The following DOCK4 variants were observed in gnomAD, a reference collection of about 807,000 sequenced individuals.
DOCK4 encodes dedicator of cytokinesis protein 4.
A neutral mutation model predicts 268.1 loss-of-function variants in DOCK4; 97 were observed. That is an observed-to-expected ratio of 0.36 (90% CI 0.31 to 0.43). The LOEUF is 0.43. Among genes scored for constraint, DOCK4 ranks in the 20% least tolerant of loss-of-function variants. The pLI, the probability that DOCK4 is intolerant of heterozygous loss-of-function variation, is 1.00. For missense variants in DOCK4, 2,145 were observed against 2,455.7 expected (o/e 0.87, Z 2.67); for synonymous variants, 954 against 887.2 (o/e 1.08, Z -1.34).
intron 36 of DOCK4, among the ~76,000 whole-genome samples, chr7:111,776,423 C>T (rs1439427252): frequency 6.6e-6 from 1 of 152,148 alleles, no homozygotes; most frequent in Non-Finnish European, 1.5e-5. Flanking sequence ...ACTGGAAAGG[C>T]TCAATAGCTG....
intron 1 of DOCK4, among the ~76,000 whole-genome samples, chr7:112,078,821 T>C (rs796414435): frequency 1.4e-4 from 22 of 152,240 alleles, no homozygotes; most frequent in African/African-American, 5.3e-4. Flanking sequence ...CTTTTTGATA[T>C]ATTATAAAGA....
chr7:111,799,268 T>C (rs1397800643), intron 30 of DOCK4, among the ~76,000 whole-genome samples: 4 of 152,182 alleles, frequency 2.6e-5, no homozygotes, highest in African/African-American at 9.7e-5. Context: ...GCTTTTCACT[T>C]GGGAAAGGAT....
chr7:112,114,533 C>T (rs1390443456), intron 1 of DOCK4, among the ~76,000 whole-genome samples: 1 of 152,134 alleles, frequency 6.6e-6, no homozygotes, highest in Non-Finnish European at 1.5e-5. Flanking sequence ...AATGATATTC[C>T]ATGAAAAAAC....
chr7:111,925,001 T>C (rs906389245), intron 12 of DOCK4, among the ~76,000 whole-genome samples: 25 of 152,278 alleles, frequency 1.6e-4, no homozygotes, highest in African/African-American at 4.8e-4. Context: ...ACTAACATTA[T>C]GAGGTATTAG....
At chr7:112,067,161 ACT>A (rs1382258648) in intron 1 of DOCK4, among the ~76,000 whole-genome samples, 1 of 151,230 alleles carries the variant, frequency 6.6e-6, no homozygotes, top group Non-Finnish European at 1.5e-5. Context: ...ACAGAGCAAG[ACT>A]CTGTCTCAAA....
intron 39 of DOCK4, 145 bp downstream of exon 39, chr7:111,764,973 A>C (rs752868591): frequency 9.1e-5 from 41 of 449,356 alleles, no homozygotes; most frequent in Non-Finnish European, 1.5e-4. Context: ...ATTCTAGATT[A>C]ATATAGTGTC....
intron 27 of DOCK4, chr7:111,821,876 T>C (rs934065934): frequency 1.3e-5 from 2 of 152,508 alleles, no homozygotes; most frequent in African/African-American, 4.8e-5. Context: ...TGATTCAAAT[T>C]TCTAGTAACA....
chr7:111,740,761 G>T (rs899713465), intron 47 of DOCK4, among the ~76,000 whole-genome samples: 3 of 39,962 alleles, frequency 7.5e-5, no homozygotes, highest in Non-Finnish European at 1.2e-4. Flanking sequence ...AAAAAAAAAA[G>T]GCAAGCTAAG....
chr7:112,049,295 C>T (rs1805139088), intron 1 of DOCK4, among the ~76,000 whole-genome samples: 1 of 151,988 alleles, frequency 6.6e-6, no homozygotes, highest in African/African-American at 2.4e-5. Flanking sequence ...TCTTGTTATG[C>T]TACATGTGAA....
chr7:111,885,312 G>A, intron 16 of DOCK4, among the ~76,000 whole-genome samples: 1 of 152,146 alleles, frequency 6.6e-6, no homozygotes, highest in Non-Finnish European at 1.5e-5. Context: ...TGGATGGGGT[G>A]GTTAAATACG....
chr7:111,763,183 C>T lies in DOCK4; in HGVS notation c.4020+1935G>A, dbSNP rs140319023. Among the ~76,000 whole-genome samples, 1,518 of 151,876 alleles carry T rather than the reference C, an allele frequency of 1.0e-2. 33 individuals are homozygous for T. Among genetic ancestry groups the T allele is most frequent in the African/African-American group, 0.035 (1,439 of 41,412 alleles). ...TGATCAAACAACAAAAGACTTCTGG[C>T]CTCAAGCAATTCTCTTGCCTTGGCC... is the stretch of plus-strand genomic sequence containing the variant. On this transcript the variant is annotated intron_variant, in intron 39 of 52. Coordinates refer to ENST00000428084, the MANE Select transcript of DOCK4 (RefSeq NM_001363540.2).
intron 23 of DOCK4, among the ~76,000 whole-genome samples, chr7:111,859,484 C>G (rs1315919712): frequency 6.6e-6 from 1 of 151,862 alleles, no homozygotes; most frequent in African/African-American, 2.4e-5. Flanking sequence ...AGATATAAAA[C>G]TAGGGCATTC....
At chr7:112,197,170 T>A (rs553982710) in intron 1 of DOCK4, among the ~76,000 whole-genome samples, 1 of 152,200 alleles carries the variant, frequency 6.6e-6, no homozygotes, top group East Asian at 1.9e-4. Context: ...AGAGCCTACA[T>A]GAGGGGAAGG....
At chr7:111,803,579 A>C (rs183341393) in intron 30 of DOCK4, among the ~76,000 whole-genome samples, 1 of 152,294 alleles carries the variant, frequency 6.6e-6, no homozygotes, top group Non-Finnish European at 1.5e-5. Context: ...AGCTCACTTT[A>C]TATTTAGTAA....
intron 1 of DOCK4, among the ~76,000 whole-genome samples, chr7:112,043,896 A>C (rs1041342734): frequency 1.3e-5 from 2 of 152,004 alleles, no homozygotes; most frequent in Non-Finnish European, 2.9e-5. Context: ...ACTAAGTTTA[A>C]AGAAAAGACT....
At chr7:112,101,875 C>T (rs1361354616) in intron 1 of DOCK4, among the ~76,000 whole-genome samples, 3 of 149,380 alleles carry the variant, frequency 2.0e-5, no homozygotes, top group African/African-American at 7.4e-5. Flanking sequence ...AAGAGTCTTG[C>T]TCTGTTGCCC....
chr7:111,744,706 GC>G (rs1796150546), intron 44 of DOCK4, among the ~76,000 whole-genome samples: 2 of 152,324 alleles, frequency 1.3e-5, no homozygotes, highest in South Asian at 4.1e-4. Context: ...TAAAGTCATT[GC>G]ATAATCCTAA....
intron 13 of DOCK4, among the ~76,000 whole-genome samples, chr7:111,908,293 A>G (rs1791773909): frequency 6.6e-6 from 1 of 151,756 alleles, no homozygotes. Context: ...CTAAAAATAC[A>G]AAAAATTAGC....
chr7:111,741,303 A>G, intron 46 of DOCK4, 89 bp from the exon 47 acceptor site: 1 of 1,533,074 alleles, frequency 6.5e-7, no homozygotes, highest in Non-Finnish European at 8.9e-7. Context: ...AAAGGGGGGA[A>G]AATACATTCC....
Sources: allele counts gnomAD v4.1 joint callset (sites outside exome capture counted in the v4.1 genomes callset), GRCh38; gene constraint gnomAD v4.1.1; transcripts MANE v1.5; gene names NCBI Gene and HGNC (gene_info 2026-07-23, HGNC 2026-07-21).